The following CACNA2D3 variants were observed in gnomAD, a reference collection of about 807,000 sequenced individuals.
CACNA2D3 encodes the protein calcium voltage-gated channel auxiliary subunit alpha2delta 3, also known as voltage-dependent calcium channel subunit alpha-2/delta-3.
CACNA2D3 carries 60 observed loss-of-function variants against 160.6 expected under a neutral mutation model. That is an observed-to-expected ratio of 0.37 (90% CI 0.30 to 0.46). The LOEUF is 0.46. Ranked by LOEUF, CACNA2D3 falls within the 20% of genes least tolerant of loss-of-function variation. The pLI, the probability that CACNA2D3 is intolerant of heterozygous loss-of-function variation, is 1.00. For synonymous variants in CACNA2D3, 558 were observed against 492.9 expected, an observed-to-expected ratio of 1.13 and a Z score of -1.75; for missense variants, 1,205 against 1,365.0, an observed-to-expected ratio of 0.88 and a Z score of 1.85.
At chr3:54,990,860 A>C (rs1287904971) in intron 31 of CACNA2D3, among the ~76,000 whole-genome samples, 1 of 152,190 alleles carries the variant, frequency 6.6e-6, no homozygotes, top group Non-Finnish European at 1.5e-5. Flanking sequence ...TATGTGAACA[A>C]ATTAACAACT....
chr3:54,844,399 A>G (rs1698888757), intron 16 of CACNA2D3, among the ~76,000 whole-genome samples: 1 of 152,108 alleles, frequency 6.6e-6, no homozygotes, highest in African/African-American at 2.4e-5. Flanking sequence ...GGAAACAGAG[A>G]TGGCACTTGG....
chr3:54,668,533 G>T (rs772931457), intron 11 of CACNA2D3, among the ~76,000 whole-genome samples: 4 of 152,214 alleles, frequency 2.6e-5, no homozygotes, highest in Non-Finnish European at 5.9e-5. Flanking sequence ...TTATTGCTCA[G>T]GTGTGGAAAT....
intron 27 of CACNA2D3, among the ~76,000 whole-genome samples, chr3:54,966,135 T>TG (rs1702144251): frequency 6.7e-6 from 1 of 149,844 alleles, no homozygotes; most frequent in Non-Finnish European, 1.5e-5. Flanking sequence ...AGAACGGGGG[T>TG]GGGGGTCTCA....
intron 11 of CACNA2D3, among the ~76,000 whole-genome samples, chr3:54,707,224 T>A (rs551939079): frequency 6.6e-6 from 1 of 152,316 alleles, no homozygotes; most frequent in Admixed American, 6.5e-5. Context: ...TGAATTCAGA[T>A]CTAATTGGCC....
chr3:54,168,389 T>G (rs1700497400), intron 2 of CACNA2D3, among the ~76,000 whole-genome samples: 2 of 152,098 alleles, frequency 1.3e-5, no homozygotes, highest in African/African-American at 2.4e-5. Flanking sequence ...CTGCTTGGAG[T>G]GCTTATCTTT....
At chr3:55,050,451 T>C (rs1462860900) in intron 35 of CACNA2D3, among the ~76,000 whole-genome samples, 4 of 151,528 alleles carry the variant, frequency 2.6e-5, no homozygotes, top group African/African-American at 9.7e-5. Flanking sequence ...TTCTGGCTTG[T>C]AGAGTTTCTG....
intron 18 of CACNA2D3, among the ~76,000 whole-genome samples, chr3:54,872,734 C>T (rs1178040795): frequency 6.6e-6 from 1 of 152,188 alleles, no homozygotes; most frequent in Non-Finnish European, 1.5e-5. Context: ...CTCTTTTCTT[C>T]TTCATCTGCT....
intron 4 of CACNA2D3, among the ~76,000 whole-genome samples, chr3:54,440,014 A>C (rs6414577): frequency 0.99 from 151,138 of 152,300 alleles, 75,005 homozygotes; most frequent in East Asian, 1. Context: ...TGGCCAGCCT[A>C]GCATTCAGTC....
chr3:54,972,989 G>A (rs546235861), intron 29 of CACNA2D3, among the ~76,000 whole-genome samples: 4 of 152,256 alleles, frequency 2.6e-5, no homozygotes, highest in South Asian at 4.1e-4. Context: ...GAAGCTTACC[G>A]GTTAGCAGGA....
chr3:54,470,700 A>G (rs564063197), intron 4 of CACNA2D3, among the ~76,000 whole-genome samples: 1 of 152,262 alleles, frequency 6.6e-6, no homozygotes, highest in South Asian at 2.1e-4. Context: ...TAGGCTCAAA[A>G]TAAAGGGATG....
At chr3:54,416,788 T>C (rs1440752595) in intron 4 of CACNA2D3, among the ~76,000 whole-genome samples, 1 of 152,216 alleles carries the variant, frequency 6.6e-6, no homozygotes, top group East Asian at 1.9e-4. Context: ...AATATATAAC[T>C]ATACAATTAA....
chr3:54,291,451 A>G (rs944463643), intron 2 of CACNA2D3, among the ~76,000 whole-genome samples: 1 of 152,090 alleles, frequency 6.6e-6, no homozygotes, highest in Admixed American at 6.6e-5. Flanking sequence ...TTTCATTCAT[A>G]TTGGTGAAAG....
intron 10 of CACNA2D3, among the ~76,000 whole-genome samples, chr3:54,633,058 A>G (rs1191307800): frequency 2.0e-5 from 3 of 152,154 alleles, no homozygotes; most frequent in Non-Finnish European, 4.4e-5. Flanking sequence ...TAAGATGAGG[A>G]AAGTGTCTGG....
At chr3:54,790,462 C>G (rs2178564) in intron 13 of CACNA2D3, among the ~76,000 whole-genome samples, 41,599 of 152,124 alleles carry the variant, frequency 0.27, 6,190 homozygotes, top group African/African-American at 0.39. Flanking sequence ...CTGAGTATAA[C>G]ACAATGGGGG....
At chr3:54,297,795 C>T (rs141538819) in intron 2 of CACNA2D3, among the ~76,000 whole-genome samples, 1 of 151,924 alleles carries the variant, frequency 6.6e-6, no homozygotes, top group East Asian at 1.9e-4. Flanking sequence ...TTCTTCCTCA[C>T]TCTCTCAGTG....
At chr3:54,219,237 A>C (rs1469539839) in intron 2 of CACNA2D3, among the ~76,000 whole-genome samples, 1 of 152,134 alleles carries the variant, frequency 6.6e-6, no homozygotes, top group South Asian at 2.1e-4. Flanking sequence ...AAGTGACTTC[A>C]TGTTGGTAGC....
At chr3:54,902,895 T>C (rs1700370792) in intron 27 of CACNA2D3, among the ~76,000 whole-genome samples, 1 of 152,198 alleles carries the variant, frequency 6.6e-6, no homozygotes, top group Non-Finnish European at 1.5e-5. Flanking sequence ...GCATAACCCG[T>C]TTTTATCTAA....
intron 12 of CACNA2D3, among the ~76,000 whole-genome samples, chr3:54,759,331 A>G (rs1702038374): frequency 6.6e-6 from 1 of 152,190 alleles, no homozygotes; most frequent in Admixed American, 6.5e-5. Context: ...GGAAAAAAAC[A>G]GAGAGAAAGG....
At chr3:54,726,019 G>A (rs544244907) in intron 11 of CACNA2D3, among the ~76,000 whole-genome samples, 9 of 152,252 alleles carry the variant, frequency 5.9e-5, no homozygotes, top group South Asian at 2.1e-4. Context: ...AAACCACATC[G>A]TCTCAGTGGA....
Sources: gnomAD v4.1 joint callset for allele counts (sites outside exome capture counted in the v4.1 genomes callset) on GRCh38, gnomAD v4.1.1 for gene constraint, MANE v1.5 for transcripts, NCBI Gene and HGNC (gene_info 2026-07-23, HGNC 2026-07-21) for gene names.